Variants in DDX17 observed in about 807,000 individuals in gnomAD.
The protein encoded by DDX17 is probable ATP-dependent RNA helicase DDX17.
In DDX17, 10 loss-of-function variants were observed where a neutral mutation model predicts 80.8. That is an observed-to-expected ratio of 0.12 (90% CI 0.08 to 0.21). DDX17 has a LOEUF of 0.21. Among genes scored for constraint, DDX17 ranks in the 10% least tolerant of loss-of-function variants. The pLI is 1.00. For missense variants in DDX17, 586 were observed against 957.4 expected, an observed-to-expected ratio of 0.61 and a Z score of 5.12; for synonymous variants, 339 against 336.2, an observed-to-expected ratio of 1.01 and a Z score of -0.09.
rs755693708 is a variant in DDX17 at position 38,506,233 on chromosome 22, G to C, written c.5C>G (p.Pro2Arg). The change falls in exon 1 of 13, where the codon CCC becomes CGC. Residue 2 changes from proline to arginine, a missense_variant. By Grantham distance (103) the Pro-to-Arg change is moderately radical. Around this residue, in one of 4 missense-constraint regions of DDX17, gnomAD observed 215 missense variants for 238.4 expected, o/e 0.90. Coordinates refer to ENST00000403230, the MANE Select transcript of DDX17 (RefSeq NM_006386.5). Reference sequence around the variant, plus strand: ...GAGAATCGGGGCTACAAAGCCGGTGGGCAGGTTTGGCTACGCTCAAACCGG... The same window carrying C: ...GAGAATCGGGGCTACAAAGCCGGTGCGCAGGTTTGGCTACGCTCAAACCGG... 6.2e-7 allele frequency: 1 copy of C among 1,602,904 alleles called. No individual in the cohort carries two copies. The highest frequency in any genetic ancestry group is 2.3e-5 in the East Asian group (1 of 44,194).
At chr22:38,503,669 G>C (rs893288060) in intron 1 of DDX17, among the ~76,000 whole-genome samples, 1 of 151,990 alleles carries the variant, frequency 6.6e-6, no homozygotes, top group Admixed American at 6.6e-5. Context: ...GTTTTTATCC[G>C]GTCAGTAATT....
intron 8 of DDX17, 152 bp from the exon 9 acceptor site, chr22:38,494,283 G>A (rs750327074): frequency 1.3e-5 from 8 of 619,878 alleles, no homozygotes; most frequent in Non-Finnish European, 2.2e-5. Context: ...GTCAGGTTCT[G>A]CTATGTGCTC....
intron 5 of DDX17, among the ~76,000 whole-genome samples, chr22:38,497,491 G>A (rs951136542): frequency 4.6e-5 from 7 of 150,666 alleles, no homozygotes; most frequent in Admixed American, 1.3e-4. Flanking sequence ...GGTGGTGCAC[G>A]CCTTTAATCC....
At chr22:38,504,122 G>C (rs2089857137) in intron 1 of DDX17, among the ~76,000 whole-genome samples, 1 of 152,114 alleles carries the variant, frequency 6.6e-6, no homozygotes, top group South Asian at 2.1e-4. Context: ...CCTATTTCAA[G>C]CTTACAACTT....
At chr22:38,499,624 G>A (rs1009446276) in intron 2 of DDX17, 125 bp from the exon 3 acceptor site, 1 of 724,258 alleles carries the variant, frequency 1.4e-6, no homozygotes, top group African/African-American at 1.8e-5. Context: ...TAGTTTACAT[G>A]GTACTTTCAT....
At chr22:38,497,148 T>TA (rs2089776656) in intron 5 of DDX17, among the ~76,000 whole-genome samples, 1 of 150,062 alleles carries the variant, frequency 6.7e-6, no homozygotes, top group Admixed American at 6.6e-5. Context: ...ATACAAAAAT[T>TA]AGCTGGGTGT....
intron 6 of DDX17, 109 bp downstream of exon 6, chr22:38,495,687 G>A (rs904166528): frequency 2.3e-6 from 2 of 853,484 alleles, no homozygotes; most frequent in Non-Finnish European, 3.4e-6. Flanking sequence ...TTTCTAAGCT[G>A]CTGAAATTCT....
intron 3 of DDX17, among the ~76,000 whole-genome samples, chr22:38,499,144 C>T (rs2089801083): frequency 6.6e-6 from 1 of 152,126 alleles, no homozygotes. Flanking sequence ...CACATTATAT[C>T]CAGCTAGAAA....
rs1197500306 is a variant in DDX17 at position 38,485,932 on chromosome 22, G to C, written c.*3C>G. 1 of 1,613,646 alleles carries C rather than the reference G, an allele frequency of 6.2e-7. No homozygotes were observed. Among genetic ancestry groups the C allele is most frequent in the Non-Finnish European group, 8.5e-7 (1 of 1,179,898 alleles). On this transcript the variant is annotated 3_prime_UTR_variant, in exon 13 of 13. Coordinates refer to ENST00000403230, the MANE Select transcript of DDX17 (RefSeq NM_006386.5). Reference sequence around the variant, plus strand: ...TGCTGGAGTCACTACCACTTGAGTGGTTTCATTTACGTGAAGGAGGAGGAG... The same window carrying C: ...TGCTGGAGTCACTACCACTTGAGTGCTTTCATTTACGTGAAGGAGGAGGAG...
intron 1 of DDX17, among the ~76,000 whole-genome samples, chr22:38,501,772 CAAAT>C (rs888619303): frequency 6.6e-6 from 1 of 152,234 alleles, no homozygotes; most frequent in Non-Finnish European, 1.5e-5. Context: ...TTTCATTCAA[CAAAT>C]AGTTATTAGG....
chr22:38,491,242 T>C (rs1258988439), intron 11 of DDX17: 1 of 152,224 alleles, frequency 6.6e-6, no homozygotes, highest in Non-Finnish European at 1.5e-5. Flanking sequence ...TTATATTATA[T>C]AGTATAAGGG....
chr22:38,498,199 T>G, intron 4 of DDX17, 49 bp from the exon 5 acceptor site: 1 of 1,576,614 alleles, frequency 6.3e-7, no homozygotes, highest in African/African-American at 1.4e-5. Context: ...AGTACAATCT[T>G]ACTTAGATAC....
intron 1 of DDX17, among the ~76,000 whole-genome samples, chr22:38,501,934 G>A (rs2089834814): frequency 6.6e-6 from 1 of 152,192 alleles, no homozygotes; most frequent in Non-Finnish European, 1.5e-5. Context: ...TCAATTAAAG[G>A]GAAGATTGTG....
chr22:38,487,901 G>C lies in DDX17; in HGVS notation c.1662C>G (p.His554Gln). 1 of 1,614,222 alleles carries C rather than the reference G, an allele frequency of 6.2e-7. No homozygotes were observed. The highest frequency in any genetic ancestry group is 8.5e-7 in the Non-Finnish European group (1 of 1,180,036). The change falls in exon 12 of 13, where the codon CAC becomes CAG. Residue 554 changes from histidine (H) to glutamine (Q), a missense_variant. Physicochemically the swap from His to Gln is conservative, Grantham distance 24 (BLOSUM62 0). Transcript: ENST00000403230. ...TACCCCCGCCTCCGCCGCCTCCTCTGTGGTCCACAAGCTGCATCAGTTTTG... is the reference window on the plus strand; with the variant it reads ...TACCCCCGCCTCCGCCGCCTCCTCTCTGGTCCACAAGCTGCATCAGTTTTG...
intron 12 of DDX17, among the ~76,000 whole-genome samples, chr22:38,487,656 T>C (rs1268603983): frequency 6.6e-6 from 1 of 151,912 alleles, no homozygotes; most frequent in East Asian, 1.9e-4. Context: ...CTCAGACCAG[T>C]CTCTAAGAAA....
At chr22:38,498,659 GA>G in intron 3 of DDX17, 86 bp from the exon 4 acceptor site, 3 of 1,434,578 alleles carry the variant, frequency 2.1e-6, no homozygotes, top group Non-Finnish European at 2.9e-6. Context: ...GCTCACTGAA[GA>G]TAAGATTTAC....
chr22:38,487,892 G>A lies in DDX17; in HGVS notation c.1671C>T (p.Gly557=). The stretch of plus-strand genomic sequence containing the variant: ...ACTTACCCTTACCCCCGCCTCCGCC[G>A]CCTCCTCTGTGGTCCACAAGCTGCA... Residue 557 remains glycine (G), a synonymous_variant, in exon 12 of 13, where the codon GGC becomes GGT. Coordinates refer to ENST00000403230, the MANE Select transcript of DDX17 (RefSeq NM_006386.5). The A allele has an allele frequency of 8.1e-6, 13 of 1,614,174 alleles. No individual in the cohort carries two copies. The highest frequency in any genetic ancestry group is 1.3e-5 in the African/African-American group (1 of 75,058).
At chr22:38,505,669 G>A (rs909166600) in intron 1 of DDX17, 3 of 418,880 alleles carry the variant, frequency 7.2e-6, no homozygotes, top group African/African-American at 2.1e-5. Context: ...GATGCGGCCA[G>A]GCCGCCCCTC....
Position 38,494,139 on chromosome 22 carries a change from C to G in DDX17, c.1215-8G>C. The G allele has an allele frequency of 6.3e-7, 1 of 1,576,060 alleles. No individual in the cohort carries two copies. Among genetic ancestry groups the G allele is most frequent in the Non-Finnish European group, 8.7e-7 (1 of 1,146,038 alleles). ...TCCATTAGTTGGATCAACCTGAAAA[C>G]ATGACCAACAATGCAGTCATCACAC... On this transcript the variant is annotated splice_region_variant and splice_polypyrimidine_tract_variant and intron_variant, in intron 8 of 12. Coordinates refer to ENST00000403230, the MANE Select transcript of DDX17 (RefSeq NM_006386.5).
Sources: gnomAD v4.1 joint callset for allele counts (sites outside exome capture counted in the v4.1 genomes callset) on GRCh38, gnomAD v4.1.1 for gene constraint, gnomAD v4.1.1 regional missense constraint, MANE v1.5 for transcripts, NCBI Gene and HGNC (gene_info 2026-07-23, HGNC 2026-07-21) for gene names.